The following LAMA1 variants were observed in gnomAD, a reference collection of about 807,000 sequenced individuals.
The protein encoded by LAMA1 is laminin subunit alpha-1.
LAMA1 carries 219 observed loss-of-function variants against 348.7 expected under a neutral mutation model. The ratio of observed to expected loss-of-function variants is 0.63; its 90% CI spans 0.56 to 0.70. LAMA1 has a LOEUF of 0.70. Among genes scored for constraint, LAMA1 ranks in the 30% least tolerant of loss-of-function variants. LAMA1 has a pLI of 0.00. For missense variants in LAMA1, 3,744 were observed against 3,888.0 expected, an observed-to-expected ratio of 0.96 and a Z score of 0.99; for synonymous variants, 1,487 against 1,491.0, an observed-to-expected ratio of 1.00 and a Z score of 0.06.
At chr18:7,026,449 C>G (rs143357824) in intron 16 of LAMA1, among the ~76,000 whole-genome samples, 1 of 152,230 alleles carries the variant, frequency 6.6e-6, no homozygotes, top group Non-Finnish European at 1.5e-5. Flanking sequence ...GGGATATGCA[C>G]GTGGTCTCAC....
intron 1 of LAMA1, among the ~76,000 whole-genome samples, chr18:7,084,333 A>T (rs2058206429): frequency 6.6e-6 from 1 of 152,098 alleles, no homozygotes; most frequent in Non-Finnish European, 1.5e-5. Context: ...AGTGAGAAGG[A>T]GCATTAGGAT....
At chr18:7,018,549 C>T (rs1186799486) in intron 19 of LAMA1, among the ~76,000 whole-genome samples, 5 of 151,528 alleles carry the variant, frequency 3.3e-5, no homozygotes, top group African/African-American at 1.2e-4. Flanking sequence ...GCGCCTGCCA[C>T]CACGCCTGGC....
At chr18:7,106,969 G>A (rs2058314321) in intron 1 of LAMA1, among the ~76,000 whole-genome samples, 1 of 151,920 alleles carries the variant, frequency 6.6e-6, no homozygotes, top group South Asian at 2.1e-4. Context: ...GCACGCCTCT[G>A]CCCCTCCTCC....
rs201060955 is a variant in LAMA1, at chr18:6,947,231, T to A, written c.8776A>T (p.Asn2926Tyr). Reference protein sequence around the residue: ...ITLEFRTSSQNGVLLGISTAK... With the variant: ...ITLEFRTSSQYGVLLGISTAK... ...GTGCTGATCCCCAGGAGGACGCCAT[T>A]CTGCGAGGAGGTTCGAAACTCCAGT... Residue 2926 changes from asparagine (N) to tyrosine (Y), a missense_variant, in exon 61 of 63, where the codon AAT becomes TAT. Asn to Tyr is a moderately radical substitution (Grantham distance 143). Coordinates refer to ENST00000389658, the MANE Select transcript of LAMA1 (RefSeq NM_005559.4). 1 of 1,614,170 alleles carries A rather than the reference T, an allele frequency of 6.2e-7. No homozygotes were observed. Among genetic ancestry groups the A allele is most frequent in the South Asian group, 1.1e-5 (1 of 91,078 alleles).
chr18:7,016,422 G>T, intron 21 of LAMA1, 69 bp downstream of exon 21: 1 of 1,573,732 alleles, frequency 6.4e-7, no homozygotes, highest in Non-Finnish European at 8.7e-7. Flanking sequence ...TTAGTTGGAA[G>T]TAGAGGGAGG....
At chr18:7,020,485 G>A (rs2057910672) in intron 19 of LAMA1, among the ~76,000 whole-genome samples, 3 of 151,952 alleles carry the variant, frequency 2.0e-5, no homozygotes, top group Non-Finnish European at 4.4e-5. Flanking sequence ...GTCCACAGAG[G>A]GAACCCTGTT....
chr18:6,954,909 G>C, intron 57 of LAMA1: 1 of 273,028 alleles, frequency 3.7e-6, no homozygotes, highest in Non-Finnish European at 7.1e-6. Context: ...GGGTCCCAGG[G>C]ACAGGCAGGT....
chr18:7,036,290 C>T (rs1420667719), intron 12 of LAMA1, among the ~76,000 whole-genome samples: 1 of 152,252 alleles, frequency 6.6e-6, no homozygotes, highest in African/African-American at 2.4e-5. Flanking sequence ...ATATTACCAA[C>T]ATGCAGGACA....
rs2057542882 is a variant in LAMA1, at chr18:6,950,809, T to C, written c.8370A>G (p.Ala2790=). 3.1e-6 allele frequency: 5 copies of C among 1,613,972 alleles called. No homozygotes were observed. The highest frequency in any genetic ancestry group is 2.7e-5 in the African/African-American group (2 of 74,912). The change falls in exon 58 of 63, where the codon GCA becomes GCG. Residue 2790 remains alanine (A), a synonymous_variant. Transcript: ENST00000389658. ...GKGRTKVSHP[A]LLSDGKWHTV... is the part of the protein sequence containing the mutation. Reference sequence around the variant, plus strand: ...TGTGCCACTTGCCATCACTGAGCAGTGCAGGGTGAGAGACCTTTGTTCTGC... The same window carrying C: ...TGTGCCACTTGCCATCACTGAGCAGCGCAGGGTGAGAGACCTTTGTTCTGC...
At chr18:7,083,331 G>T in intron 1 of LAMA1, among the ~76,000 whole-genome samples, 1 of 151,244 alleles carries the variant, frequency 6.6e-6, no homozygotes, top group East Asian at 2.0e-4. Flanking sequence ...GATTACACAT[G>T]CGCACCACCA....
Position 6,959,388 on chromosome 18 carries a change from G to T in LAMA1, c.7731C>A (p.Thr2577=). 1 of 1,614,158 alleles carries T rather than the reference G, an allele frequency of 6.2e-7. No individual in the cohort carries two copies. Among genetic ancestry groups the T allele is most frequent in the Non-Finnish European group, 8.5e-7 (1 of 1,180,036 alleles). ...RKALLHAPTG[T]CSDGQAHSIS... is the part of the protein sequence containing the mutation. ...TGGAATGCGCTTGTCCATCACTGCA[G>T]GTACCCGTGGGAGCGTGCAGGAGAG... Residue 2577 remains threonine, a synonymous_variant, in exon 54 of 63, where the codon ACC becomes ACA. Transcript: ENST00000389658.
At position 6,985,517 on chromosome 18, in the gene LAMA1, T is replaced by G; in HGVS notation, c.5496+10A>C. The G allele has an allele frequency of 6.2e-7, 1 of 1,609,980 alleles. No individual in the cohort carries two copies. Among genetic ancestry groups the G allele is most frequent in the Non-Finnish European group, 8.5e-7 (1 of 1,176,228 alleles). On this transcript the variant is annotated intron_variant, in intron 38 of 62. Transcript: ENST00000389658. ...AAACTGTACTGTGGCTGTGCTGAGA[T>G]GTAATTTACCTCTAGAGCATCTTGT...
At chr18:7,011,237 T>G in intron 25 of LAMA1, 63 bp downstream of exon 25, 2 of 1,556,526 alleles carry the variant, frequency 1.3e-6, no homozygotes, top group Non-Finnish European at 1.7e-6. Flanking sequence ...CTATGGTGAT[T>G]TTAAACAATT....
chr18:7,081,158 A>AAAC (rs1469939482), intron 1 of LAMA1, among the ~76,000 whole-genome samples: 1 of 152,162 alleles, frequency 6.6e-6, no homozygotes, highest in Admixed American at 6.5e-5. Flanking sequence ...TGAGCCTCAA[A>AAAC]AACAACAACA....
intron 48 of LAMA1, among the ~76,000 whole-genome samples, chr18:6,966,588 G>T (rs1016131905): frequency 1.3e-5 from 2 of 152,106 alleles, no homozygotes; most frequent in East Asian, 1.9e-4. Flanking sequence ...TTATCAACTG[G>T]ATTTATTTAT....
intron 51 of LAMA1, among the ~76,000 whole-genome samples, chr18:6,963,199 C>T (rs1398018370): frequency 6.6e-6 from 1 of 152,144 alleles, no homozygotes; most frequent in Non-Finnish European, 1.5e-5. Flanking sequence ...CACCTAAGTC[C>T]CTTCTACTGA....
chr18:6,963,091 A>T (rs1185200946), intron 51 of LAMA1, among the ~76,000 whole-genome samples: 4 of 151,718 alleles, frequency 2.6e-5, no homozygotes, highest in Non-Finnish European at 5.9e-5. Context: ...TTGAACAATG[A>T]GCTATGGACC....
At chr18:6,970,995 C>T (rs768827055) in intron 48 of LAMA1, among the ~76,000 whole-genome samples, 9 of 152,146 alleles carry the variant, frequency 5.9e-5, no homozygotes, top group Non-Finnish European at 1.3e-4. Flanking sequence ...ATGAAAAATT[C>T]ACCCGTGAGT....
In LAMA1 at chr18:7,032,099, A is replaced by G. The variant is rs1366348676; in HGVS notation, c.2241T>C (p.His747=). Reference sequence around the variant, plus strand: ...CGCCGTGAACATTACACTCAGCTGCATGGCCGTGGCATTCACAGGGTTGAC... The same window carrying G: ...CGCCGTGAACATTACACTCAGCTGCGTGGCCGTGGCATTCACAGGGTTGAC... ...GICQPCECHG[H]AAECNVHGVC... Residue 747 remains histidine (H), a synonymous_variant, in exon 16 of 63, where the codon CAT becomes CAC. Transcript: ENST00000389658. 1.2e-5 allele frequency: 20 copies of G among 1,614,112 alleles called. No homozygotes were observed. The highest frequency in any genetic ancestry group is 1.6e-5 in the Non-Finnish European group (19 of 1,180,048).
Sources: gnomAD v4.1 joint callset for allele counts (sites outside exome capture counted in the v4.1 genomes callset) on GRCh38, gnomAD v4.1.1 for gene constraint, MANE v1.5 for transcripts, NCBI Gene and HGNC (gene_info 2026-07-23, HGNC 2026-07-21) for gene names.